The following PREX2 variants were observed in gnomAD, a reference collection of about 807,000 sequenced individuals.
PREX2 encodes the protein phosphatidylinositol 3,4,5-trisphosphate-dependent Rac exchanger 2 protein.
In PREX2, 107 loss-of-function variants were observed where a neutral mutation model predicts 203.2. That is an observed-to-expected ratio of 0.53 (90% CI 0.45 to 0.62). The LOEUF (loss-of-function observed/expected upper bound fraction) is 0.62. PREX2 is among the 20% of genes least tolerant of loss of function. The probability of loss-of-function intolerance (pLI) is 0.00; values close to 1 mark genes in which losing one functional copy is unlikely to be tolerated. For missense variants in PREX2, 1,777 were observed against 1,955.9 expected, an observed-to-expected ratio of 0.91 and a Z score of 1.72; for synonymous variants, 672 against 663.6, an observed-to-expected ratio of 1.01 and a Z score of -0.19.
At chr8:68,162,331 A>G (rs201423962) in intron 35 of PREX2, among the ~76,000 whole-genome samples, 3 of 152,138 alleles carry the variant, frequency 2.0e-5, no homozygotes, top group East Asian at 3.9e-4. Flanking sequence ...ATCTAAATAT[A>G]TTTAGTTTTA....
At chr8:68,078,850 C>T (rs1024629608) in intron 15 of PREX2, among the ~76,000 whole-genome samples, 8 of 152,100 alleles carry the variant, frequency 5.3e-5, no homozygotes, top group African/African-American at 1.9e-4. Context: ...TATTGAGTTA[C>T]ATCAAAAGTT....
chr8:68,041,519 G>C (rs1808197966), intron 7 of PREX2, among the ~76,000 whole-genome samples: 1 of 152,110 alleles, frequency 6.6e-6, no homozygotes. Context: ...GAACAGATTA[G>C]GATTAGAGCC....
At chr8:68,165,545 T>C (rs1361414636) in intron 35 of PREX2, among the ~76,000 whole-genome samples, 1 of 152,216 alleles carries the variant, frequency 6.6e-6, no homozygotes, top group East Asian at 1.9e-4. Flanking sequence ...ACTCCAGGAC[T>C]GGAGTCACTA....
chr8:68,051,323 A>C (rs1808520860), intron 8 of PREX2, among the ~76,000 whole-genome samples: 2 of 150,170 alleles, frequency 1.3e-5, no homozygotes, highest in South Asian at 4.2e-4. Flanking sequence ...TTCTTTATCC[A>C]GAGTAATGGT....
intron 37 of PREX2, among the ~76,000 whole-genome samples, chr8:68,215,778 C>T (rs1179145282): frequency 6.6e-6 from 1 of 152,090 alleles, no homozygotes; most frequent in Non-Finnish European, 1.5e-5. Flanking sequence ...ACCTTGTGAT[C>T]CGCCCGCCTC....
At chr8:68,228,485 G>T (rs187924498) in intron 39 of PREX2, among the ~76,000 whole-genome samples, 4 of 151,952 alleles carry the variant, frequency 2.6e-5, no homozygotes, top group Non-Finnish European at 5.9e-5. Flanking sequence ...AAAAATGGCC[G>T]GGTGCATAGG....
chr8:68,191,634 A>T (rs1408441904), intron 35 of PREX2, 88 bp from the exon 36 acceptor site: 1 of 955,652 alleles, frequency 1.0e-6, no homozygotes, highest in East Asian at 2.5e-5. Flanking sequence ...CTTGTTTTTA[A>T]AAAAAAGTCA....
intron 1 of PREX2, among the ~76,000 whole-genome samples, chr8:67,975,239 A>G (rs562911895): frequency 1.4e-5 from 2 of 139,656 alleles, no homozygotes; most frequent in East Asian, 4.1e-4. Flanking sequence ...TAATGAACCA[A>G]TGGATCTGGC....
rs556553812 is a variant in PREX2, at chr8:68,236,856, T to C, written c.*5478T>C. The C allele has an allele frequency of 6.6e-6, 1 of 152,260 alleles. No homozygotes were observed. Among genetic ancestry groups the C allele is most frequent in the Non-Finnish European group, 1.5e-5 (1 of 67,972 alleles). 9.4% of individuals were successfully genotyped at this position (152,260 alleles called of 1,614,324 possible). A position where few individuals can be genotyped will look rare whatever the true frequency, so the allele number is the denominator to read the frequency against. Reference sequence around the variant, plus strand: ...TGTTATTATAAAAGTCATCTTTTTTTCCTTTGTAAAATATCCATGTAACAT... The same window carrying C: ...TGTTATTATAAAAGTCATCTTTTTTCCCTTTGTAAAATATCCATGTAACAT... On this transcript the variant is annotated 3_prime_UTR_variant, in exon 40 of 40. Coordinates refer to ENST00000288368, the MANE Select transcript of PREX2 (RefSeq NM_024870.4).
chr8:68,226,539 A>T, intron 39 of PREX2, among the ~76,000 whole-genome samples: 1 of 152,328 alleles, frequency 6.6e-6, no homozygotes, highest in South Asian at 2.1e-4. Flanking sequence ...GAAGTTTGCT[A>T]TCTCTGTCTG....
intron 1 of PREX2, among the ~76,000 whole-genome samples, chr8:67,978,053 TCA>T (rs369404213): frequency 1.3e-5 from 2 of 152,096 alleles, no homozygotes; most frequent in Admixed American, 6.6e-5. Flanking sequence ...GAAACACAGG[TCA>T]CAACCCGGGG....
At chr8:68,109,268 A>G in intron 24 of PREX2, 148 bp from the exon 25 acceptor site, 1 of 619,678 alleles carries the variant, frequency 1.6e-6, no homozygotes, top group Non-Finnish European at 2.8e-6. Context: ...TCATTGCATA[A>G]TGCATATATA....
At chr8:68,162,156 G>A (rs1209056919) in intron 35 of PREX2, among the ~76,000 whole-genome samples, 3 of 152,114 alleles carry the variant, frequency 2.0e-5, no homozygotes, top group South Asian at 4.1e-4. Context: ...CCAGATTTAG[G>A]TTGGGACACA....
chr8:67,981,825 G>C (rs187289036), intron 1 of PREX2, among the ~76,000 whole-genome samples: 1 of 152,308 alleles, frequency 6.6e-6, no homozygotes, highest in Admixed American at 6.5e-5. Flanking sequence ...TAAGAACTAT[G>C]TGCTGTGAGG....
Position 68,191,776 on chromosome 8 carries a change from C to G in PREX2, c.4401C>G (p.Ala1467=). The G allele has an allele frequency of 6.2e-7, 1 of 1,605,130 alleles. No homozygotes were observed. The highest frequency in any genetic ancestry group is 8.5e-7 in the Non-Finnish European group (1 of 1,172,126). ...CACCAAACTCCACATCCAAAGCTGC[C>G]TATGTAGATAAGGTAAAAACAGATG... The part of the protein sequence containing the change: ...NSPPNSTSKA[A]YVDKLMRPLN... Residue 1467 remains alanine, a synonymous_variant, in exon 36 of 40, where the codon GCC becomes GCG. Transcript: ENST00000288368.
intron 1 of PREX2, among the ~76,000 whole-genome samples, chr8:67,972,684 TAC>T (rs1407350184): frequency 2.6e-5 from 4 of 152,224 alleles, no homozygotes; most frequent in African/African-American, 9.6e-5. Flanking sequence ...GATGAAACTC[TAC>T]AGTTACCCAC....
chr8:67,952,710 C>G, intron 1 of PREX2, 175 bp downstream of exon 1: 1 of 867,642 alleles, frequency 1.2e-6, no homozygotes, highest in Non-Finnish European at 1.8e-6. Context: ...GTGACCCCCG[C>G]GGGGATTTGT....
At position 68,199,282 on chromosome 8, in the gene PREX2, C is replaced by A. The variant is rs1374574812; in HGVS notation, c.4604+6757C>A. Among the ~76,000 whole-genome samples, 4 of 152,256 alleles carry A rather than the reference C, an allele frequency of 2.6e-5. No individual in the cohort carries two copies. The South Asian group carries it at 8.3e-4, about 32-fold the overall frequency. Reference sequence around the variant, plus strand: ...ATAGTGATGACCATCAAGCTAGCTACTGTCCATGTAATCCAGTGTCAGCTA... The same window carrying A: ...ATAGTGATGACCATCAAGCTAGCTAATGTCCATGTAATCCAGTGTCAGCTA... On this transcript the variant is annotated intron_variant, in intron 37 of 39. Coordinates refer to ENST00000288368, the MANE Select transcript of PREX2 (RefSeq NM_024870.4).
intron 35 of PREX2, among the ~76,000 whole-genome samples, chr8:68,189,564 T>A (rs547501390): frequency 2.0e-5 from 3 of 152,322 alleles, no homozygotes; most frequent in African/African-American, 7.2e-5. Context: ...ATGGAAATAA[T>A]CCCTCAGTCT....
Sources: allele counts gnomAD v4.1 joint callset (sites outside exome capture counted in the v4.1 genomes callset), GRCh38; gene constraint gnomAD v4.1.1; transcripts MANE v1.5; gene names NCBI Gene and HGNC (gene_info 2026-07-23, HGNC 2026-07-21).